NRXN1: variants seen among roughly 807,000 people sequenced by gnomAD.
NRXN1 encodes the protein neurexin-1.
NRXN1 carries 39 observed loss-of-function variants against 150.9 expected under a neutral mutation model. That is an observed-to-expected ratio of 0.26 (90% CI 0.20 to 0.34). NRXN1 has a LOEUF of 0.34. Ranked by LOEUF, NRXN1 falls within the 10% of genes least tolerant of loss-of-function variation. NRXN1 has a pLI of 1.00. For synonymous variants in NRXN1, 924 were observed against 757.0 expected, an observed-to-expected ratio of 1.22 and a Z score of -3.62; for missense variants, 1,815 against 1,949.9, an observed-to-expected ratio of 0.93 and a Z score of 1.30.
intron 17 of NRXN1, among the ~76,000 whole-genome samples, chr2:50,423,758 T>A (rs576873301): frequency 7.2e-5 from 11 of 152,044 alleles, no homozygotes; most frequent in Non-Finnish European, 1.5e-4. Context: ...CATTATTCAC[T>A]GTTATTCAGG....
intron 18 of NRXN1, among the ~76,000 whole-genome samples, chr2:50,178,622 G>A (rs2060499935): frequency 6.6e-6 from 1 of 152,040 alleles, no homozygotes; most frequent in Non-Finnish European, 1.5e-5. Context: ...TGGTTCACAG[G>A]AACAGTAAGT....
At chr2:50,018,289 A>C (rs996061247) in intron 21 of NRXN1, among the ~76,000 whole-genome samples, 2 of 152,176 alleles carry the variant, frequency 1.3e-5, no homozygotes, top group African/African-American at 4.8e-5. Flanking sequence ...TCTTGACATT[A>C]ATGAGCTATG....
chr2:50,365,727 T>C lies in NRXN1; in HGVS notation c.3364+99715A>G, dbSNP rs2079537574. Among the ~76,000 whole-genome samples, 7 of 152,044 alleles carry C rather than the reference T, an allele frequency of 4.6e-5. No homozygotes were observed. The South Asian group carries it at 1.4e-3, about 31-fold the overall frequency. On this transcript the variant is annotated intron_variant, in intron 17 of 22. Coordinates refer to ENST00000401669, the MANE Select transcript of NRXN1 (RefSeq NM_001330078.2). ...TATTTTAATTGCCTTTTTCCCGCTT[T>C]GTCAAAATTCTGATGCTATTAAGTC...
At chr2:50,752,994 T>TA (rs1700776149) in intron 5 of NRXN1, among the ~76,000 whole-genome samples, 1 of 151,974 alleles carries the variant, frequency 6.6e-6, no homozygotes, top group South Asian at 2.1e-4. Context: ...GCTCTTTATA[T>TA]AAATACTACT....
chr2:50,335,586 C>A lies in NRXN1; in HGVS notation c.3365-98616G>T, dbSNP rs115310806. Among the ~76,000 whole-genome samples, 541 of 152,158 alleles carry A rather than the reference C, an allele frequency of 3.6e-3. 3 individuals carry two copies. The highest frequency in any genetic ancestry group is 0.012 in the African/African-American group (492 of 41,512). On this transcript the variant is annotated intron_variant, in intron 17 of 22. Coordinates refer to ENST00000401669, the MANE Select transcript of NRXN1 (RefSeq NM_001330078.2). ...ATTCTAAAGGAATGTTCTAAGAGAG[C>A]GAGGAAAAAAATATTCAACACTAAA...
At chr2:50,634,821 A>G (rs1682995742) in intron 5 of NRXN1, among the ~76,000 whole-genome samples, 1 of 152,072 alleles carries the variant, frequency 6.6e-6, no homozygotes, top group Non-Finnish European at 1.5e-5. Context: ...GGTTATTCAT[A>G]TAGTCCTCTT....
At chr2:51,018,877 T>A (rs1176710207) in intron 2 of NRXN1, among the ~76,000 whole-genome samples, 1 of 152,114 alleles carries the variant, frequency 6.6e-6, no homozygotes, top group Admixed American at 6.6e-5. Flanking sequence ...CTGCTGGTTA[T>A]GATAGAGTAG....
intron 17 of NRXN1, among the ~76,000 whole-genome samples, chr2:50,354,554 CATATATAT>C (rs71404946): frequency 0.025 from 2,480 of 100,108 alleles, 95 homozygotes; most frequent in East Asian, 0.15. Context: ...AGAGTGCATA[CATATATAT>C]ATATATATAT....
At chr2:50,224,119 A>C (rs919165303) in intron 18 of NRXN1, among the ~76,000 whole-genome samples, 1 of 151,960 alleles carries the variant, frequency 6.6e-6, no homozygotes, top group African/African-American at 2.4e-5. Flanking sequence ...ATGTTTAAGG[A>C]ATATCATAAA....
chr2:50,626,364 T>C (rs940187260), intron 5 of NRXN1, among the ~76,000 whole-genome samples: 1 of 151,894 alleles, frequency 6.6e-6, no homozygotes, highest in Non-Finnish European at 1.5e-5. Flanking sequence ...ATGAAGTAAG[T>C]TGCCTGCGTA....
At chr2:50,200,496 C>G (rs761014884) in intron 18 of NRXN1, among the ~76,000 whole-genome samples, 10 of 151,962 alleles carry the variant, frequency 6.6e-5, no homozygotes, top group Non-Finnish European at 8.8e-5. Context: ...ATAAAATAAT[C>G]GATGTTTTGG....
intron 8 of NRXN1, among the ~76,000 whole-genome samples, chr2:50,607,308 T>C (rs1677290592): frequency 6.6e-6 from 1 of 152,122 alleles, no homozygotes; most frequent in Admixed American, 6.6e-5. Context: ...AGGCATCCCT[T>C]TGTTCATCTA....
intron 5 of NRXN1, among the ~76,000 whole-genome samples, chr2:50,748,842 T>C (rs770810611): frequency 3.9e-5 from 6 of 152,122 alleles, no homozygotes; most frequent in Non-Finnish European, 7.4e-5. Context: ...CTCTGAGCAA[T>C]ATACTGCTTC....
Position 50,805,862 on chromosome 2 carries a change from G to A in NRXN1, c.832+116007C>T, listed in dbSNP as rs918448877. Reference sequence around the variant, plus strand: ...ATCCACTTTGTTGGTTACTTTTACAGGGTCCTTCTACTCTCTTCCTTAGTC... The same window carrying A: ...ATCCACTTTGTTGGTTACTTTTACAAGGTCCTTCTACTCTCTTCCTTAGTC... On this transcript the variant is annotated intron_variant, in intron 5 of 22. Transcript: ENST00000401669. Among the ~76,000 whole-genome samples the A allele has an allele frequency of 2.0e-5, 3 of 152,020 alleles. No homozygotes were observed. The South Asian group carries it at 6.2e-4, about 32-fold the overall frequency.
intron 21 of NRXN1, among the ~76,000 whole-genome samples, chr2:50,019,947 C>CAAAAAAAAAAAAAAAAAAAAAAAA (rs1161865745): frequency 2.3e-5 from 1 of 43,356 alleles, no homozygotes; most frequent in Non-Finnish European, 4.9e-5. Flanking sequence ...GACTCCGTCT[C>CAAAAAAAAAAAAAAAAAAAAAAAA]AAAAAAAAAA....
chr2:50,041,878 A>G (rs542605246), intron 21 of NRXN1, among the ~76,000 whole-genome samples: 1 of 152,238 alleles, frequency 6.6e-6, no homozygotes, highest in African/African-American at 2.4e-5. Flanking sequence ...CCTCTGGAAC[A>G]GGGTTTTACA....
At chr2:50,503,233 A>G (rs2092044025) in intron 13 of NRXN1, among the ~76,000 whole-genome samples, 1 of 151,860 alleles carries the variant, frequency 6.6e-6, no homozygotes, top group South Asian at 2.1e-4. Flanking sequence ...ACTTGAATGT[A>G]GGAGGCGGAG....
At position 50,902,340 on chromosome 2, in the gene NRXN1, G is replaced by C. The variant is rs146417586; in HGVS notation, c.832+19529C>G. On this transcript the variant is annotated intron_variant, in intron 5 of 22. Transcript: ENST00000401669. ...TAAAGCAAATGTTGAATCACATTCT[G>C]AGTTTAGAATAGAAGAAGAACAAAA... Among the ~76,000 whole-genome samples the C allele has an allele frequency of 7.6e-3, 1,147 of 151,426 alleles. 15 individuals carry two copies. Among genetic ancestry groups the C allele is most frequent in the African/African-American group, 0.026 (1,088 of 41,244 alleles).
At chr2:50,767,729 T>C (rs962721102) in intron 5 of NRXN1, among the ~76,000 whole-genome samples, 1 of 152,124 alleles carries the variant, frequency 6.6e-6, no homozygotes, top group African/African-American at 2.4e-5. Flanking sequence ...CATGTTGAGT[T>C]TGTTCAAATT....
Sources: gnomAD v4.1 joint callset for allele counts (sites outside exome capture counted in the v4.1 genomes callset) on GRCh38, gnomAD v4.1.1 for gene constraint, MANE v1.5 for transcripts, NCBI Gene and HGNC (gene_info 2026-07-23, HGNC 2026-07-21) for gene names.